SELP: variants seen among roughly 807,000 people sequenced by gnomAD.
SELP encodes selectin P.
In SELP, 92 loss-of-function variants were observed where a neutral mutation model predicts 104.1. That is an observed-to-expected ratio of 0.88 (90% CI 0.75 to 1.05). The LOEUF (loss-of-function observed/expected upper bound fraction) is 1.05. Ranked by LOEUF, SELP falls within the 50% of genes least tolerant of loss-of-function variation. SELP has a pLI of 0.00. For synonymous variants in SELP, 397 were observed against 364.5 expected (o/e 1.09, Z -1.01); for missense variants, 1,022 against 1,017.3 (o/e 1.00, Z -0.06).
At chr1:169,626,272 A>T (rs1411666562) in intron 1 of SELP, among the ~76,000 whole-genome samples, 1 of 152,164 alleles carries the variant, frequency 6.6e-6, no homozygotes, top group African/African-American at 2.4e-5. Context: ...ATGAGATTTT[A>T]TTCTAAGTGC....
At chr1:169,610,472 C>G (rs1238149197) in intron 7 of SELP, among the ~76,000 whole-genome samples, 1 of 152,056 alleles carries the variant, frequency 6.6e-6, no homozygotes, top group Non-Finnish European at 1.5e-5. Context: ...GGGCTTTGAC[C>G]TCTGGTTTTT....
At chr1:169,602,232 C>A (rs1367269991) in intron 10 of SELP, among the ~76,000 whole-genome samples, 1 of 152,166 alleles carries the variant, frequency 6.6e-6, no homozygotes, top group Non-Finnish European at 1.5e-5. Flanking sequence ...GAAGAAGGCA[C>A]AGCTCCTGCC....
At chr1:169,619,323 T>A in intron 1 of SELP, 104 bp from the exon 2 acceptor site, 1 of 834,830 alleles carries the variant, frequency 1.2e-6, no homozygotes, top group Non-Finnish European at 1.9e-6. Flanking sequence ...ATTGTGCCAA[T>A]TTCCACTGGA....
chr1:169,601,748 C>T (rs1034555856), intron 10 of SELP, among the ~76,000 whole-genome samples: 12 of 152,214 alleles, frequency 7.9e-5, no homozygotes, highest in Admixed American at 2.6e-4. Context: ...GCTATATGAA[C>T]TTTGCTAGCT....
chr1:169,600,045 C>T (rs1271187043), intron 10 of SELP, among the ~76,000 whole-genome samples: 2 of 152,136 alleles, frequency 1.3e-5, no homozygotes, highest in Non-Finnish European at 2.9e-5. Context: ...TGTGTACAAG[C>T]ACTCCATCAT....
chr1:169,618,095 T>C (rs1041308988), intron 2 of SELP, among the ~76,000 whole-genome samples: 1 of 152,236 alleles, frequency 6.6e-6, no homozygotes, highest in Admixed American at 6.5e-5. Flanking sequence ...GTTTCTATGA[T>C]ACAGTCTACA....
chr1:169,595,147 C>T (rs189858496), intron 12 of SELP, among the ~76,000 whole-genome samples: 177 of 152,210 alleles, frequency 1.2e-3, no homozygotes, highest in Admixed American at 1.9e-3. Flanking sequence ...ATAAATCTTG[C>T]CTCCAAATAT....
Position 169,609,426 on chromosome 1 carries a change from C to T in SELP, c.1333+78G>A, listed in dbSNP as rs954650919. The stretch of plus-strand genomic sequence containing the variant: ...TCAGTGAATATCTGATAAAGAAAGG[C>T]ATGCCAATGCTCAGTGCAGATGCTG... On this transcript the variant is annotated intron_variant, in intron 8 of 16. Coordinates refer to ENST00000263686, the MANE Select transcript of SELP (RefSeq NM_003005.4). 1.5e-5 allele frequency: 20 copies of T among 1,360,066 alleles called. 1 individual carries two copies. In the African/African-American group the frequency reaches 1.6e-4, roughly 11 times the overall value. The allele number at this position is 1,360,066 out of a possible 1,614,324, so 84.2% of individuals were successfully genotyped here. A position where few individuals can be genotyped will look rare whatever the true frequency, so the allele number is the denominator to read the frequency against.
chr1:169,616,078 C>T (rs1662791638), intron 3 of SELP, among the ~76,000 whole-genome samples: 1 of 152,262 alleles, frequency 6.6e-6, no homozygotes, highest in African/African-American at 2.4e-5. Context: ...AGGCTCGTGA[C>T]TAGAGGAAGA....
intron 3 of SELP, among the ~76,000 whole-genome samples, 177 bp from the exon 4 acceptor site, chr1:169,613,870 C>T (rs771801360): frequency 1.3e-5 from 2 of 152,182 alleles, no homozygotes; most frequent in East Asian, 1.9e-4. Context: ...ATTGTAGGGG[C>T]CTGCTGGAGT....
chr1:169,594,907 A>T, intron 12 of SELP, 30 bp from the exon 13 acceptor site: 2 of 1,591,106 alleles, frequency 1.3e-6, no homozygotes, highest in Non-Finnish European at 8.6e-7. Context: ...CAAGAGAAAC[A>T]ACATGTGGAT....
chr1:169,612,369 C>T lies in SELP; in HGVS notation c.809G>A (p.Arg270Gln), dbSNP rs202197384. 2.3e-5 allele frequency: 37 copies of T among 1,614,084 alleles called. 2 individuals are homozygous for T. Among genetic ancestry groups the T allele is most frequent in the African/African-American group, 5.3e-5 (4 of 75,026 alleles). The part of the protein sequence containing the change: ...AQCPPLKIPE[R>Q]GNMTCLHSAK... ...AGAATGAAGGCAGGTCATGTTTCCT[C>T]GTTCAGGAATCTTCAGGGGTGGGCA... is the stretch of plus-strand genomic sequence containing the variant. Residue 270 changes from arginine to glutamine, a missense_variant, in exon 6 of 17, where the codon CGA becomes CAA. By Grantham distance (43) the Arg-to-Gln change is conservative. Transcript: ENST00000263686.
In SELP at chr1:169,596,140, G is replaced by T. The variant is rs776966972; in HGVS notation, c.1892-6C>A. 1.9e-6 allele frequency: 3 copies of T among 1,612,744 alleles called. No individual in the cohort carries two copies. Among genetic ancestry groups the T allele is most frequent in the Non-Finnish European group, 2.5e-6 (3 of 1,179,184 alleles). On this transcript the variant is annotated splice_region_variant and splice_polypyrimidine_tract_variant and intron_variant, in intron 11 of 16. Coordinates refer to ENST00000263686, the MANE Select transcript of SELP (RefSeq NM_003005.4). ...AGTAGGAAGTGATGCTATGCCTGTT[G>T]TGAGAAAATGTTTCCATTCAGAGAC...
intron 9 of SELP, among the ~76,000 whole-genome samples, chr1:169,605,473 TGGGGTGTGTGTGTGG>T (rs1194360855): frequency 1.4e-5 from 2 of 146,324 alleles, no homozygotes; most frequent in Admixed American, 1.4e-4. Flanking sequence ...AGCTTAACAA[TGGGGTGTGTGTGTGG>T]GGGGTGTGTG....
At position 169,589,184 on chromosome 1, in the gene SELP, T is replaced by C. The variant is rs1174380273; in HGVS notation, c.*279A>G. 1.3e-5 allele frequency: 2 copies of C among 152,228 alleles called. No individual in the cohort carries two copies. Among genetic ancestry groups the C allele is most frequent in the Non-Finnish European group, 2.9e-5 (2 of 68,040 alleles). The allele number at this position is 152,228 out of a possible 1,614,324, so 9.4% of individuals were successfully genotyped here. On this transcript the variant is annotated 3_prime_UTR_variant, in exon 17 of 17. Transcript: ENST00000263686. ...ATTTCTCCACAGTCTGGTCTTCTTG[T>C]GAGTCAGATGCTCCAGTCTCTTTGG...
rs1231276533 is a variant in SELP, at chr1:169,612,247, C to T, written c.931G>A (p.Val311Ile). The T allele has an allele frequency of 1.2e-6, 2 of 1,614,042 alleles. No homozygotes were observed. The highest frequency in any genetic ancestry group is 1.7e-6 in the Non-Finnish European group (2 of 1,179,986). ...CACACTGGGGCTGGGGCTGTCCATACCCCCGAGGCTGTGCATTGCACCACT... is the reference window on the plus strand; with the variant it reads ...CACACTGGGGCTGGGGCTGTCCATATCCCCGAGGCTGTGCATTGCACCACT... ...PEVVQCTASG[V>I]WTAPAPVCKA... The change falls in exon 6 of 17, where the codon GTA (valine) becomes ATA (isoleucine). Residue 311 changes from valine (V) to isoleucine (I), a missense_variant. Val to Ile is a conservative substitution (Grantham distance 29). Coordinates refer to ENST00000263686, the MANE Select transcript of SELP (RefSeq NM_003005.4).
At chr1:169,612,461 G>C (rs1176920597) in intron 5 of SELP, 59 bp from the exon 6 acceptor site, 2 of 1,553,760 alleles carry the variant, frequency 1.3e-6, no homozygotes, top group Non-Finnish European at 1.8e-6. Context: ...CCATCACCTT[G>C]GAAGCCTTCA....
chr1:169,628,174 G>T (rs886968592), intron 1 of SELP, among the ~76,000 whole-genome samples: 1 of 152,236 alleles, frequency 6.6e-6, no homozygotes, highest in African/African-American at 2.4e-5. Flanking sequence ...GGGATTACAG[G>T]CATGAGCCAC....
chr1:169,594,814 C>T lies in SELP; in HGVS notation c.2165G>A (p.Gly722Glu). ...GCAGATTGATCCATAACTGAAGTTT[C>T]CCCAGAGGTTGGAGCAGTTCATCGC... Reference protein sequence around the residue: ...PIAMNCSNLWGNFSYGSICSF... With the variant: ...PIAMNCSNLWENFSYGSICSF... Residue 722 changes from glycine (G) to glutamate (E), a missense_variant, in exon 13 of 17, where the codon GGA becomes GAA. Coordinates refer to ENST00000263686, the MANE Select transcript of SELP (RefSeq NM_003005.4). 6.2e-7 allele frequency: 1 copy of T among 1,613,812 alleles called. No homozygotes were observed. The highest frequency in any genetic ancestry group is 8.5e-7 in the Non-Finnish European group (1 of 1,179,810).
Sources: gnomAD v4.1 joint callset for allele counts (sites outside exome capture counted in the v4.1 genomes callset) on GRCh38, gnomAD v4.1.1 for gene constraint, MANE v1.5 for transcripts, NCBI Gene and HGNC (gene_info 2026-07-23, HGNC 2026-07-21) for gene names.